The following LRP1B variants were observed in gnomAD, a reference collection of about 807,000 sequenced individuals.
LRP1B encodes low-density lipoprotein receptor-related protein 1B.
Under a neutral mutation model 556.6 loss-of-function variants are expected in LRP1B, and 217 were observed. The ratio of observed to expected loss-of-function variants is 0.39; its 90% CI spans 0.35 to 0.44. The LOEUF (loss-of-function observed/expected upper bound fraction) is 0.44, where lower values mean the gene tolerates loss of function less well. LRP1B is among the 20% of genes least tolerant of loss of function. The pLI is 1.00. For missense variants in LRP1B, 5,053 were observed against 5,620.8 expected, an observed-to-expected ratio of 0.90 and a Z score of 3.23; for synonymous variants, 2,047 against 1,865.8, an observed-to-expected ratio of 1.10 and a Z score of -2.50.
In LRP1B at chr2:141,465,308, T is replaced by A. The variant is rs1445208715; in HGVS notation, c.343+15088A>T. 2.0e-5 allele frequency among the ~76,000 whole-genome samples: 3 copies of A among 149,226 alleles called. No homozygotes were observed. The Admixed American group carries it at 2.0e-4, about 10-fold the overall frequency. Reference sequence around the variant, plus strand: ...TGTGGGATATGCAGTGGCTAGGGAGTGTGAGGGGAGAGAAAAAGGGAAAGA... The same window carrying A: ...TGTGGGATATGCAGTGGCTAGGGAGAGTGAGGGGAGAGAAAAAGGGAAAGA... On this transcript the variant is annotated intron_variant, in intron 3 of 90. Transcript: ENST00000389484.
intron 2 of LRP1B, among the ~76,000 whole-genome samples, chr2:141,587,089 T>C (rs1354321507): frequency 6.6e-6 from 1 of 152,078 alleles, no homozygotes; most frequent in Non-Finnish European, 1.5e-5. Flanking sequence ...AATGTTTGCA[T>C]ATTGGAAAAA....
intron 32 of LRP1B, among the ~76,000 whole-genome samples, chr2:140,790,783 C>A (rs139340182): frequency 6.6e-6 from 1 of 152,056 alleles, no homozygotes; most frequent in South Asian, 2.1e-4. Context: ...AATCACCCTG[C>A]AAAATCTCTG....
intron 2 of LRP1B, among the ~76,000 whole-genome samples, chr2:141,684,343 T>G (rs1292825920): frequency 5.3e-5 from 8 of 151,966 alleles, no homozygotes; most frequent in Non-Finnish European, 1.2e-4. Context: ...CTCAGCAAAC[T>G]AACACAGGAA....
intron 41 of LRP1B, among the ~76,000 whole-genome samples, chr2:140,693,086 A>G (rs1036288369): frequency 6.6e-6 from 1 of 152,212 alleles, no homozygotes; most frequent in Non-Finnish European, 1.5e-5. Context: ...AAAGTTATAT[A>G]TAAATATGGA....
chr2:141,635,626 T>C (rs1403061444), intron 2 of LRP1B, among the ~76,000 whole-genome samples: 1 of 152,154 alleles, frequency 6.6e-6, no homozygotes, highest in Non-Finnish European at 1.5e-5. Context: ...ATTTGACAAA[T>C]GAAATATGTC....
Position 142,125,540 on chromosome 2 carries a change from AT to A in LRP1B, c.82+5107del, listed in dbSNP as rs1251847743. 4.1e-4 allele frequency among the ~76,000 whole-genome samples: 63 copies of A among 151,982 alleles called. 1 individual carries two copies. The highest frequency in any genetic ancestry group is 6.8e-3 in the Middle Eastern group (2 of 294). Reference sequence around the variant, plus strand: ...TCAAATTATTTTTAGAGATATTTTCATTTTTTGTCTTATTTACTGTTTAAAT... The same window carrying A: ...TCAAATTATTTTTAGAGATATTTTCATTTTTGTCTTATTTACTGTTTAAAT... On this transcript the variant is annotated intron_variant, in intron 1 of 90. Coordinates refer to ENST00000389484, the MANE Select transcript of LRP1B (RefSeq NM_018557.3).
chr2:141,146,780 C>T (rs769683722), intron 7 of LRP1B, among the ~76,000 whole-genome samples: 3 of 152,132 alleles, frequency 2.0e-5, no homozygotes, highest in Non-Finnish European at 4.4e-5. Flanking sequence ...TGTTCTTCTC[C>T]GTTTTCCTGC....
intron 2 of LRP1B, among the ~76,000 whole-genome samples, chr2:141,656,493 T>G (rs905369539): frequency 8.5e-5 from 13 of 152,154 alleles, no homozygotes; most frequent in African/African-American, 2.9e-4. Flanking sequence ...ATATTATAAA[T>G]AATCAAAGGA....
intron 29 of LRP1B, among the ~76,000 whole-genome samples, chr2:140,846,169 G>A (rs992951195): frequency 3.3e-5 from 5 of 152,192 alleles, no homozygotes; most frequent in Non-Finnish European, 5.9e-5. Context: ...TCAAAAGATA[G>A]TGGGATACTA....
rs2105321898 is a variant in LRP1B at position 140,456,510 on chromosome 2, T to G, written c.9908A>C (p.Asn3303Thr). ...GKTHTCACPT[N>T]FYLAADNRTC... ...CCTATTATCAGCTGCCAGATAGAAG[T>G]TAGTGGGACATGCACAAGTGTGGGT... The change falls in exon 62 of 91, where the codon AAC becomes ACC. Residue 3303 changes from asparagine to threonine, a missense_variant. Physicochemically the swap from Asn to Thr is moderately conservative, Grantham distance 65. Around this residue, in one of 5 missense-constraint regions of LRP1B, gnomAD observed 262 missense variants for 395.1 expected, o/e 0.66. Coordinates refer to ENST00000389484, the MANE Select transcript of LRP1B (RefSeq NM_018557.3). The G allele has an allele frequency of 6.2e-7, 1 of 1,613,440 alleles. No individual in the cohort carries two copies. The highest frequency in any genetic ancestry group is 8.5e-7 in the Non-Finnish European group (1 of 1,179,586).
intron 2 of LRP1B, among the ~76,000 whole-genome samples, chr2:141,497,955 T>C (rs537070823): frequency 6.3e-5 from 9 of 142,150 alleles, no homozygotes; most frequent in African/African-American, 2.1e-4. Context: ...AACACAGTCA[T>C]ACGAAAAAAA....
At chr2:141,061,959 G>A (rs1308878930) in intron 8 of LRP1B, 92 bp downstream of exon 8, 6 of 958,796 alleles carry the variant, frequency 6.3e-6, no homozygotes, top group Middle Eastern at 2.7e-4. Context: ...ATTGCAGCTC[G>A]ACTTTACAAG....
intron 3 of LRP1B, among the ~76,000 whole-genome samples, chr2:141,454,665 T>C (rs1681562108): frequency 1.3e-5 from 1 of 79,698 alleles, no homozygotes; most frequent in African/African-American, 6.1e-5. Flanking sequence ...GGAAAGCTAG[T>C]TGACATCATT....
chr2:140,600,931 A>G (rs1190823768), intron 42 of LRP1B, among the ~76,000 whole-genome samples: 2 of 151,646 alleles, frequency 1.3e-5, no homozygotes, highest in Non-Finnish European at 1.5e-5. Context: ...TCTGTACAAT[A>G]TATCATCAAA....
intron 43 of LRP1B, among the ~76,000 whole-genome samples, chr2:140,550,842 C>G (rs1446848289): frequency 1.3e-5 from 2 of 152,102 alleles, no homozygotes; most frequent in African/African-American, 4.8e-5. Flanking sequence ...TGTCCCCTTC[C>G]CGCAAATTCA....
In LRP1B at chr2:140,422,408, C is replaced by G. The variant is rs566014601; in HGVS notation, c.10414+20096G>C. Among the ~76,000 whole-genome samples the G allele has an allele frequency of 1.8e-4, 27 of 152,266 alleles. No individual in the cohort carries two copies. In the South Asian group the frequency reaches 5.4e-3, roughly 30 times the overall value. ...AAAGCAGGCACACAGCAGTGGAGAA[C>G]AGTGAGATATTTAACACATTATATG... On this transcript the variant is annotated intron_variant, in intron 66 of 90. Transcript: ENST00000389484.
At chr2:142,032,385 T>C (rs1387941128) in intron 1 of LRP1B, among the ~76,000 whole-genome samples, 1 of 151,840 alleles carries the variant, frequency 6.6e-6, no homozygotes, top group Non-Finnish European at 1.5e-5. Context: ...ATCAATTTCT[T>C]AACCTGTGTT....
At chr2:141,272,870 T>C (rs150292123) in intron 3 of LRP1B, among the ~76,000 whole-genome samples, 4 of 152,294 alleles carry the variant, frequency 2.6e-5, no homozygotes, top group African/African-American at 9.6e-5. Flanking sequence ...AGAAAAATAG[T>C]TGAAGACCTC....
intron 1 of LRP1B, among the ~76,000 whole-genome samples, chr2:142,070,061 C>T (rs776177060): frequency 2.0e-5 from 3 of 151,728 alleles, no homozygotes; most frequent in Non-Finnish European, 4.4e-5. Context: ...GCTCATATCA[C>T]AATGGAATTT....
Sources: gnomAD v4.1 joint callset for allele counts (sites outside exome capture counted in the v4.1 genomes callset) on GRCh38, gnomAD v4.1.1 for gene constraint, gnomAD v4.1.1 regional missense constraint, MANE v1.5 for transcripts, NCBI Gene and HGNC (gene_info 2026-07-23, HGNC 2026-07-21) for gene names.